The following NAALADL2 variants were observed in gnomAD, a reference collection of about 807,000 sequenced individuals.
The protein encoded by NAALADL2 is N-acetylated alpha-linked acidic dipeptidase like 2.
In NAALADL2, 76 loss-of-function variants were observed where a neutral mutation model predicts 87.2. That is an observed-to-expected ratio of 0.87 (90% CI 0.72 to 1.05). The LOEUF is 1.05. NAALADL2 is among the 50% of genes least tolerant of loss of function. The pLI, the probability that NAALADL2 is intolerant of heterozygous loss-of-function variation, is 0.00. For missense variants in NAALADL2, 1,089 were observed against 945.8 expected (o/e 1.15, Z -1.99); for synonymous variants, 354 against 331.0 (o/e 1.07, Z -0.75).
At chr3:174,546,413 G>A (rs1446092532) in intron 1 of NAALADL2, among the ~76,000 whole-genome samples, 2 of 152,164 alleles carry the variant, frequency 1.3e-5, no homozygotes, top group African/African-American at 4.8e-5. Context: ...TACAGTCAGA[G>A]AAGAAGACCT....
intron 11 of NAALADL2, among the ~76,000 whole-genome samples, chr3:175,686,504 G>A (rs1484308985): frequency 6.6e-6 from 1 of 151,890 alleles, no homozygotes; most frequent in East Asian, 1.9e-4. Flanking sequence ...TTCCTTCTGT[G>A]AATATTAGTG....
In NAALADL2 at chr3:174,865,944, A is replaced by G. The variant is rs534887027; in HGVS notation, c.43+6494A>G. Among the ~76,000 whole-genome samples the G allele has an allele frequency of 2.0e-5, 3 of 151,932 alleles. No homozygotes were observed. In the South Asian group the frequency reaches 6.2e-4, roughly 31 times the overall value. On this transcript the variant is annotated intron_variant, in intron 1 of 13. Coordinates refer to ENST00000454872, the MANE Select transcript of NAALADL2 (RefSeq NM_207015.3). ...TGCTATAGGCTATAAATAAATAAAC[A>G]TAATAGAGATAAGATTAAGACAATG...
chr3:174,971,124 C>T (rs1011702860), intron 1 of NAALADL2, among the ~76,000 whole-genome samples: 1 of 152,088 alleles, frequency 6.6e-6, no homozygotes, highest in African/African-American at 2.4e-5. Flanking sequence ...TAATCACTAT[C>T]ACGAGAATAG....
intron 9 of NAALADL2, among the ~76,000 whole-genome samples, chr3:175,532,217 C>T (rs1324762511): frequency 6.6e-6 from 1 of 152,186 alleles, no homozygotes; most frequent in Admixed American, 6.5e-5. Context: ...ACTGGAGGTC[C>T]ACAATGACAT....
intron 2 of NAALADL2, among the ~76,000 whole-genome samples, chr3:174,675,242 G>C (rs985961228): frequency 6.6e-6 from 1 of 151,972 alleles, no homozygotes; most frequent in Non-Finnish European, 1.5e-5. Context: ...GGAGCTTTGA[G>C]ATTATTCCTA....
chr3:175,480,516 A>T lies in NAALADL2; in HGVS notation c.1653+8758A>T, dbSNP rs536129534. ...AATCTGTTTTAGAATCATAGCATCAAAAGTAGTATTCTATTCCACAGCACC... is the reference window on the plus strand; with the variant it reads ...AATCTGTTTTAGAATCATAGCATCATAAGTAGTATTCTATTCCACAGCACC... On this transcript the variant is annotated intron_variant, in intron 9 of 13. Coordinates refer to ENST00000454872, the MANE Select transcript of NAALADL2 (RefSeq NM_207015.3). Among the ~76,000 whole-genome samples the T allele has an allele frequency of 1.8e-3, 272 of 152,022 alleles. 1 individual carries two copies. The highest frequency in any genetic ancestry group is 6.2e-3 in the African/African-American group (259 of 41,552).
chr3:174,761,312 A>C (rs889297579), intron 3 of NAALADL2, among the ~76,000 whole-genome samples: 1 of 152,220 alleles, frequency 6.6e-6, no homozygotes, highest in Non-Finnish European at 1.5e-5. Context: ...CACATAGATG[A>C]TAATTAAAAA....
intron 2 of NAALADL2, among the ~76,000 whole-genome samples, chr3:174,731,920 AT>A (rs1480827774): frequency 5.3e-5 from 8 of 152,126 alleles, no homozygotes; most frequent in Admixed American, 2.0e-4. Flanking sequence ...GAGAGTAAAT[AT>A]TTTAGGTTTG....
rs560106807 is a variant in NAALADL2 at position 174,582,135 on chromosome 3, G to C, written c.-115+31498G>C. 3.9e-5 allele frequency among the ~76,000 whole-genome samples: 6 copies of C among 152,270 alleles called. No individual in the cohort carries two copies. In the South Asian group the frequency reaches 1.0e-3, roughly 26 times the overall value. ...AGAGAGAAATCTAGACTAATGAGTT[G>C]TATAAAAGATTATCCTTTGGACTTA... On this transcript the variant is annotated intron_variant, in intron 2 of 3. Transcript: ENST00000434257.
At chr3:175,585,618 A>G (rs1022071181) in intron 10 of NAALADL2, among the ~76,000 whole-genome samples, 1 of 152,172 alleles carries the variant, frequency 6.6e-6, no homozygotes, top group African/African-American at 2.4e-5. Flanking sequence ...ACTAGATTCT[A>G]TGCATCCAAA....
At chr3:174,705,651 T>C (rs926193247) in intron 2 of NAALADL2, among the ~76,000 whole-genome samples, 27 of 151,796 alleles carry the variant, frequency 1.8e-4, no homozygotes, top group Non-Finnish European at 2.5e-4. Context: ...GGCGTGGTGG[T>C]GGGCGCCTGT....
intron 2 of NAALADL2, among the ~76,000 whole-genome samples, chr3:174,596,093 A>G (rs921469618): frequency 2.6e-5 from 4 of 152,146 alleles, no homozygotes; most frequent in Admixed American, 6.6e-5. Context: ...CAAAACTGCC[A>G]TGACTCTCTA....
At chr3:175,538,639 A>C (rs982951354) in intron 9 of NAALADL2, among the ~76,000 whole-genome samples, 3 of 152,128 alleles carry the variant, frequency 2.0e-5, no homozygotes, top group African/African-American at 7.2e-5. Context: ...CTCCATTCAT[A>C]TTTTTGATAT....
intron 9 of NAALADL2, among the ~76,000 whole-genome samples, chr3:175,553,017 A>G (rs1044691633): frequency 6.6e-6 from 1 of 152,136 alleles, no homozygotes; most frequent in Non-Finnish European, 1.5e-5. Context: ...ATTTAGATTT[A>G]CCCTTTACTT....
chr3:175,604,506 G>A (rs555970171), intron 10 of NAALADL2, among the ~76,000 whole-genome samples: 12 of 151,764 alleles, frequency 7.9e-5, no homozygotes, highest in African/African-American at 2.4e-4. Context: ...GGGTTTCACC[G>A]TGTTAGCCAG....
intron 9 of NAALADL2, among the ~76,000 whole-genome samples, chr3:175,513,508 T>C (rs1160302520): frequency 1.3e-5 from 2 of 152,164 alleles, no homozygotes; most frequent in East Asian, 3.9e-4. Context: ...TAGCACAGTT[T>C]AATTCTGTTC....
At chr3:175,114,702 C>T (rs1471711911) in intron 2 of NAALADL2, among the ~76,000 whole-genome samples, 1 of 151,418 alleles carries the variant, frequency 6.6e-6, no homozygotes, top group Non-Finnish European at 1.5e-5. Context: ...AGCCATGGTT[C>T]AAATGTCACA....
intron 1 of NAALADL2, among the ~76,000 whole-genome samples, chr3:174,452,902 G>A (rs149313971): frequency 6.6e-6 from 1 of 152,218 alleles, no homozygotes; most frequent in African/African-American, 2.4e-5. Flanking sequence ...GATCACACTA[G>A]CTCTCCAGCA....
intron 3 of NAALADL2, among the ~76,000 whole-genome samples, chr3:174,782,533 T>A (rs1387290483): frequency 1.3e-5 from 2 of 152,100 alleles, no homozygotes; most frequent in African/African-American, 4.8e-5. Flanking sequence ...TAAATACATA[T>A]GTAGCAATTT....
Sources: gnomAD v4.1 joint callset for allele counts (sites outside exome capture counted in the v4.1 genomes callset) on GRCh38, gnomAD v4.1.1 for gene constraint, MANE v1.5 for transcripts, NCBI Gene and HGNC (gene_info 2026-07-23, HGNC 2026-07-21) for gene names.